SAMMSON: variants seen among roughly 807,000 people sequenced by gnomAD.
SAMMSON encodes survival associated mitochondrial melanoma specific oncogenic non-coding RNA.
At chr3:70,171,659 A>G (rs1700955729) in intron 4 of SAMMSON, among the ~76,000 whole-genome samples, 1 of 151,910 alleles carries the variant, frequency 6.6e-6, no homozygotes, top group Non-Finnish European at 1.5e-5. Flanking sequence ...AATATGAATT[A>G]TCTTCATTAA....
chr3:70,244,359 A>G (rs1701686853), intron 4 of SAMMSON, among the ~76,000 whole-genome samples: 2 of 152,204 alleles, frequency 1.3e-5, no homozygotes, highest in Non-Finnish European at 2.9e-5. Flanking sequence ...AGTGAGTTAC[A>G]TCTATTATAT....
chr3:70,118,480 A>G (rs1055574641), intron 4 of SAMMSON, among the ~76,000 whole-genome samples: 15 of 152,194 alleles, frequency 9.9e-5, no homozygotes, highest in African/African-American at 3.4e-4. Flanking sequence ...AATCCCCAGA[A>G]ACACTCATCA....
intron 3 of SAMMSON, among the ~76,000 whole-genome samples, chr3:70,050,993 A>G (rs1471936001): frequency 2.6e-5 from 4 of 151,432 alleles, no homozygotes; most frequent in Non-Finnish European, 5.9e-5. Context: ...AAAATTAGCC[A>G]GGCATGGTGG....
At chr3:70,142,939 C>A (rs559978843) in intron 4 of SAMMSON, among the ~76,000 whole-genome samples, 15 of 152,004 alleles carry the variant, frequency 9.9e-5, no homozygotes, top group African/African-American at 2.9e-4. Flanking sequence ...ATGGAAGAAG[C>A]CCTTCATCTC....
At chr3:70,186,573 A>C (rs527779204) in intron 4 of SAMMSON, among the ~76,000 whole-genome samples, 2 of 152,224 alleles carry the variant, frequency 1.3e-5, no homozygotes, top group South Asian at 4.1e-4. Context: ...CAGCACACTC[A>C]ACCATAGGAA....
chr3:70,383,727 A>G (rs1011984355), intron 9 of SAMMSON, among the ~76,000 whole-genome samples: 7 of 152,054 alleles, frequency 4.6e-5, no homozygotes, highest in Middle Eastern at 3.2e-3. Flanking sequence ...AGCAGTATCT[A>G]AATATAGCAT....
intron 6 of SAMMSON, among the ~76,000 whole-genome samples, chr3:70,275,820 A>T (rs1702019575): frequency 6.6e-6 from 1 of 152,236 alleles, no homozygotes. Flanking sequence ...AATTCCATTT[A>T]AAATAAGAAC....
intron 4 of SAMMSON, among the ~76,000 whole-genome samples, chr3:70,247,117 A>G (rs1315706526): frequency 6.6e-6 from 1 of 152,002 alleles, no homozygotes; most frequent in Non-Finnish European, 1.5e-5. Flanking sequence ...AGATCAATTC[A>G]TGTTGCTTGA....
chr3:70,106,490 G>A (rs887748998), intron 4 of SAMMSON, among the ~76,000 whole-genome samples: 5 of 144,454 alleles, frequency 3.5e-5, no homozygotes. Context: ...ACAGGCACAT[G>A]CCACCATGCC....
At chr3:70,032,449 A>G (rs981953322) in intron 3 of SAMMSON, among the ~76,000 whole-genome samples, 2 of 152,196 alleles carry the variant, frequency 1.3e-5, no homozygotes, top group African/African-American at 4.8e-5. Context: ...AGCCTAGAGG[A>G]TTTTGCTTTC....
At chr3:70,382,962 C>T (rs1703085727) in intron 9 of SAMMSON, among the ~76,000 whole-genome samples, 1 of 151,946 alleles carries the variant, frequency 6.6e-6, no homozygotes, top group South Asian at 2.1e-4. Flanking sequence ...GGTTGTTTTG[C>T]ATATTGGTTT....
intron 4 of SAMMSON, among the ~76,000 whole-genome samples, chr3:70,168,188 A>G (rs1249733131): frequency 6.6e-6 from 1 of 152,022 alleles, no homozygotes; most frequent in Admixed American, 6.6e-5. Flanking sequence ...TCAAGGGCAC[A>G]GGTTCAATCA....
intron 4 of SAMMSON, among the ~76,000 whole-genome samples, chr3:70,223,178 C>G (rs1219139487): frequency 3.3e-5 from 5 of 152,158 alleles, no homozygotes; most frequent in African/African-American, 1.2e-4. Flanking sequence ...AGGGTGCTAA[C>G]ATGTGAAAGT....
chr3:70,061,300 C>A (rs2067189618), intron 3 of SAMMSON, among the ~76,000 whole-genome samples: 1 of 152,088 alleles, frequency 6.6e-6, no homozygotes, highest in African/African-American at 2.4e-5. Context: ...GAGCCATGAC[C>A]AAGTCTAGGG....
At chr3:70,313,678 A>G (rs1175381022) in intron 7 of SAMMSON, among the ~76,000 whole-genome samples, 3 of 152,022 alleles carry the variant, frequency 2.0e-5, no homozygotes, top group African/African-American at 2.4e-5. Flanking sequence ...TACCTGGACA[A>G]TTGTCCATTA....
At chr3:70,029,262 T>G (rs1299420653) in intron 3 of SAMMSON, among the ~76,000 whole-genome samples, 2 of 152,086 alleles carry the variant, frequency 1.3e-5, no homozygotes, top group Admixed American at 6.5e-5. Flanking sequence ...TTCTCTCCTC[T>G]TTGACTGGAT....
rs1387852919 is a variant in SAMMSON, at chr3:70,221,653, C to G, written n.508-27454C>G. 2.6e-5 allele frequency among the ~76,000 whole-genome samples: 4 copies of G among 152,112 alleles called. No individual in the cohort carries two copies. In the East Asian group the frequency reaches 7.7e-4, roughly 29 times the overall value. On this transcript the variant is annotated intron_variant and non_coding_transcript_variant, in intron 4 of 9. Transcript: ENST00000642114. ...GATTTTGGAAACCAGTATAATTCCCCTGAATGACAAGTGACTGGTCAATGA... is the reference window on the plus strand; with the variant it reads ...GATTTTGGAAACCAGTATAATTCCCGTGAATGACAAGTGACTGGTCAATGA...
intron 4 of SAMMSON, among the ~76,000 whole-genome samples, chr3:70,185,002 G>T (rs942194722): frequency 2.0e-5 from 3 of 152,164 alleles, no homozygotes; most frequent in African/African-American, 4.8e-5. Context: ...TAAACTTGAC[G>T]TATCCTATTG....
chr3:70,329,539 G>T (rs1425307170), intron 7 of SAMMSON, among the ~76,000 whole-genome samples: 1 of 150,042 alleles, frequency 6.7e-6, no homozygotes, highest in Non-Finnish European at 1.5e-5. Context: ...AAATTCAGGG[G>T]CTTAAATTAT....
Sources: allele counts gnomAD v4.1 joint callset (sites outside exome capture counted in the v4.1 genomes callset), GRCh38; gene constraint gnomAD v4.1.1; transcripts MANE v1.5; gene names NCBI Gene and HGNC (gene_info 2026-07-23, HGNC 2026-07-21).